Variants in SERP2 observed in about 807,000 individuals in gnomAD.
SERP2 encodes stress-associated endoplasmic reticulum protein 2.
SERP2 carries 6 observed loss-of-function variants against 9.1 expected under a neutral mutation model. The ratio of observed to expected loss-of-function variants is 0.66; its 90% CI spans 0.36 to 1.30. The LOEUF (loss-of-function observed/expected upper bound fraction) is 1.30. SERP2 is among the 50% of genes most tolerant of loss of function. The pLI is 0.03. For missense variants in SERP2, 58 were observed against 81.9 expected (o/e 0.71, Z 1.13); for synonymous variants, 37 against 27.3 (o/e 1.35, Z -1.10).
chr13:44,379,512 G>A, intron 1 of SERP2, 129 bp from the exon 2 acceptor site: 1 of 620,216 alleles, frequency 1.6e-6, no homozygotes, highest in South Asian at 2.2e-5. Context: ...TCTGTCCACT[G>A]AGGGATTGAA....
At position 44,374,082 on chromosome 13, in the gene SERP2, C is replaced by G; in HGVS notation, c.57C>G (p.Thr19=). Residue 19 remains threonine, a synonymous_variant, in exon 1 of 3, where the codon ACC becomes ACG. Coordinates refer to ENST00000379179, the MANE Select transcript of SERP2 (RefSeq NM_001010897.3). ...ACGAGAAGCACAGCAAAAACATCAC[C>G]CAGAGGGGGAACGTAGCCAAAACCC... ...MANEKHSKNI[T]QRGNVAKTLR... The G allele has an allele frequency of 6.3e-7, 1 of 1,583,410 alleles. No individual in the cohort carries two copies.
chr13:44,379,150 C>T (rs77174735), intron 1 of SERP2, among the ~76,000 whole-genome samples: 9,252 of 152,214 alleles, frequency 0.061, 305 homozygotes, highest in Admixed American at 0.09. Context: ...GGAAAATACT[C>T]AGGCTTTATA....
At chr13:44,374,514 C>T (rs1051211996) in intron 1 of SERP2, among the ~76,000 whole-genome samples, 3 of 152,154 alleles carry the variant, frequency 2.0e-5, no homozygotes, top group African/African-American at 7.2e-5. Flanking sequence ...CTAGTATGTT[C>T]TAGAACGTTG....
intron 2 of SERP2, 33 bp from the exon 3 acceptor site, chr13:44,397,239 G>T (rs1345860397): frequency 6.2e-7 from 1 of 1,605,760 alleles, no homozygotes; most frequent in Non-Finnish European, 8.5e-7. Flanking sequence ...TGTGCAGTCT[G>T]GTGTCTGAGC....
At chr13:44,382,210 G>A (rs1478886382) in intron 2 of SERP2, among the ~76,000 whole-genome samples, 1 of 151,778 alleles carries the variant, frequency 6.6e-6, no homozygotes, top group African/African-American at 2.4e-5. Context: ...GGCCGAGGCG[G>A]GCGGATCATG....
chr13:44,383,230 A>T (rs2138784855), intron 2 of SERP2, among the ~76,000 whole-genome samples: 1 of 152,304 alleles, frequency 6.6e-6, no homozygotes, highest in African/African-American at 2.4e-5. Flanking sequence ...CAAGATACAC[A>T]GTAACTGTGG....
Position 44,392,196 on chromosome 13 carries a change from C to CA in SERP2, c.158-5059dup, listed in dbSNP as rs760513486. Reference sequence around the variant, plus strand: ...CTGGTGACAGAGTGAGACTCTGTCTCAAAAAAAAAAAAAAAAAGCCCTGTG... The same window carrying CA: ...CTGGTGACAGAGTGAGACTCTGTCTCAAAAAAAAAAAAAAAAAAGCCCTGTG... On this transcript the variant is annotated intron_variant, in intron 2 of 2. Coordinates refer to ENST00000379179, the MANE Select transcript of SERP2 (RefSeq NM_001010897.3). Among the ~76,000 whole-genome samples, 119 of 35,986 alleles carry CA rather than the reference C, an allele frequency of 3.3e-3. 14 individuals are homozygous for CA. The Admixed American group carries it at 0.053, about 16-fold the overall frequency. 23.6% of individuals were successfully genotyped at this position (35,986 alleles called of 152,430 possible). A position where few individuals can be genotyped will look rare whatever the true frequency, so the allele number is the denominator to read the frequency against.
At chr13:44,397,178 G>A in intron 2 of SERP2, 94 bp from the exon 3 acceptor site, 1 of 947,636 alleles carries the variant, frequency 1.1e-6, no homozygotes, top group Non-Finnish European at 1.7e-6. Context: ...AACACGTCAG[G>A]GCCCAGGGGT....
At chr13:44,384,545 C>A (rs906126761) in intron 2 of SERP2, among the ~76,000 whole-genome samples, 3 of 152,180 alleles carry the variant, frequency 2.0e-5, no homozygotes, top group Admixed American at 6.5e-5. Flanking sequence ...AGCACGCACA[C>A]CTGCACCTGC....
rs552801580 is a variant in SERP2 at position 44,375,316 on chromosome 13, T to G, written c.84+1207T>G. Among the ~76,000 whole-genome samples, 3 of 152,122 alleles carry G rather than the reference T, an allele frequency of 2.0e-5. No homozygotes were observed. The East Asian group carries it at 5.8e-4, about 30-fold the overall frequency. On this transcript the variant is annotated intron_variant, in intron 1 of 2. Coordinates refer to ENST00000379179, the MANE Select transcript of SERP2 (RefSeq NM_001010897.3). ...CGGCAGAGAAACTCTAGGACCAAAC[T>G]CAACTCTACTCAGAGCTTTATACAC... is the stretch of plus-strand genomic sequence containing the variant.
At chr13:44,389,717 CAG>C (rs1872525678) in intron 2 of SERP2, among the ~76,000 whole-genome samples, 1 of 152,158 alleles carries the variant, frequency 6.6e-6, no homozygotes, top group Admixed American at 6.5e-5. Flanking sequence ...GTTTGTAAAC[CAG>C]AGAGTCAGTG....
chr13:44,381,054 C>G (rs1246430778), intron 2 of SERP2, among the ~76,000 whole-genome samples: 1 of 152,110 alleles, frequency 6.6e-6, no homozygotes, highest in Non-Finnish European at 1.5e-5. Flanking sequence ...GGTTTCTAGA[C>G]TCCTCTTCTG....
At chr13:44,395,807 G>C in intron 2 of SERP2, 2 of 456,876 alleles carry the variant, frequency 4.4e-6, no homozygotes, top group Non-Finnish European at 8.8e-6. Flanking sequence ...CTTAGTCTAC[G>C]GCAACAAAAT....
chr13:44,395,704 C>A, intron 2 of SERP2: 1 of 366,514 alleles, frequency 2.7e-6, no homozygotes, highest in Non-Finnish European at 5.5e-6. Flanking sequence ...GTTGGACCAA[C>A]ACCTTCACCA....
chr13:44,396,012 T>A, intron 2 of SERP2: 1 of 286,338 alleles, frequency 3.5e-6, no homozygotes, highest in Non-Finnish European at 7.0e-6. Context: ...AGTTACTGGT[T>A]TTCATTATGG....
At chr13:44,376,151 TG>T (rs1455376178) in intron 1 of SERP2, among the ~76,000 whole-genome samples, 1 of 152,234 alleles carries the variant, frequency 6.6e-6, no homozygotes, top group Non-Finnish European at 1.5e-5. Flanking sequence ...TTGCATTGGT[TG>T]GGGGGATTTT....
chr13:44,394,639 C>T (rs1229426838), intron 2 of SERP2, among the ~76,000 whole-genome samples: 1 of 152,224 alleles, frequency 6.6e-6, no homozygotes, highest in Non-Finnish European at 1.5e-5. Flanking sequence ...TGAGCATCTA[C>T]TTATGTCATC....
At position 44,397,599 on chromosome 13, in the gene SERP2, G is replaced by C. The variant is rs1873197647; in HGVS notation, c.*287G>C. 3 of 477,438 alleles carry C rather than the reference G, an allele frequency of 6.3e-6. No individual in the cohort carries two copies. Among genetic ancestry groups the C allele is most frequent in the Non-Finnish European group, 1.1e-5 (3 of 261,810 alleles). The allele number at this position is 477,438 out of a possible 1,614,324, so 29.6% of individuals were successfully genotyped here. On this transcript the variant is annotated 3_prime_UTR_variant, in exon 3 of 3. Transcript: ENST00000379179. ...GTGCTGTTTTTTTGGTTTTTCCCTT[G>C]GTTTCACTAATGCGTGCATGTGGCC... is the stretch of plus-strand genomic sequence containing the variant.
At chr13:44,395,715 T>C (rs900465379) in intron 2 of SERP2, 2 of 406,666 alleles carry the variant, frequency 4.9e-6, no homozygotes, top group Admixed American at 5.5e-5. Context: ...ACCTTCACCA[T>C]ATCTACAGAT....
Sources: allele counts gnomAD v4.1 joint callset (sites outside exome capture counted in the v4.1 genomes callset), GRCh38; gene constraint gnomAD v4.1.1; transcripts MANE v1.5; gene names NCBI Gene and HGNC (gene_info 2026-07-23, HGNC 2026-07-21).